SEPTIN10: variants seen among roughly 807,000 people sequenced by gnomAD.
SEPTIN10 encodes septin-10.
A neutral mutation model predicts 54.8 loss-of-function variants in SEPTIN10; 66 were observed. That is an observed-to-expected ratio of 1.21 (90% CI 0.99 to 1.48). The LOEUF (loss-of-function observed/expected upper bound fraction) is 1.48. SEPTIN10 is among the 40% of genes most tolerant of loss of function. The pLI is 0.00. For synonymous variants in SEPTIN10, 161 were observed against 181.0 expected (o/e 0.89, Z 0.89); for missense variants, 620 against 545.6 (o/e 1.14, Z -1.36).
chr2:109,588,741 T>C (rs1693199377), intron 2 of SEPTIN10, among the ~76,000 whole-genome samples: 1 of 151,428 alleles, frequency 6.6e-6, no homozygotes, highest in Non-Finnish European at 1.5e-5. Flanking sequence ...TCCACTTGCC[T>C]CAGCTTCTCA....
intron 9 of SEPTIN10, among the ~76,000 whole-genome samples, chr2:109,550,971 A>G (rs1186635559): frequency 1.3e-5 from 2 of 152,236 alleles, no homozygotes; most frequent in African/African-American, 2.4e-5. Flanking sequence ...TTGGGTAGTA[A>G]TAATAATGAT....
Position 109,553,110 on chromosome 2 carries a change from T to G in SEPTIN10, c.1138A>C (p.Ile380Leu). ...GCCTCTCTCTCAGCTTCTTTCAATA[T>G]GGCTTCTTTCTCCTTTACTCGCTGC... ...FVQRVKEKEAILKEAERELQA... is the reference protein window; with the variant it reads ...FVQRVKEKEALLKEAERELQA... Residue 380 changes from isoleucine to leucine, a missense_variant, in exon 9 of 11, where the codon ATA becomes CTA. Ile to Leu is a conservative substitution (Grantham distance 5). Transcript: ENST00000397712. 6.2e-7 allele frequency: 1 copy of G among 1,613,238 alleles called. No homozygotes were observed. Among genetic ancestry groups the G allele is most frequent in the East Asian group, 2.2e-5 (1 of 44,890 alleles).
rs1192695709 is a variant in SEPTIN10 at position 109,545,990 on chromosome 2, C to T, written c.1349+60G>A. 57 of 1,512,236 alleles carry T rather than the reference C, an allele frequency of 3.8e-5. No homozygotes were observed. The South Asian group carries it at 4.2e-4, about 11-fold the overall frequency. 93.7% of individuals were successfully genotyped at this position (1,512,236 alleles called of 1,614,324 possible). The stretch of plus-strand genomic sequence containing the variant: ...AGAAGTAAGAAGCGCTAGGAAGATC[C>T]GACAGGGCAATGTGACAAGTGTGGG... On this transcript the variant is annotated intron_variant, in intron 10 of 10. Coordinates refer to ENST00000397712, the MANE Select transcript of SEPTIN10 (RefSeq NM_144710.5).
intron 2 of SEPTIN10, among the ~76,000 whole-genome samples, chr2:109,586,040 C>T (rs1203801437): frequency 6.6e-6 from 1 of 152,094 alleles, no homozygotes; most frequent in Non-Finnish European, 1.5e-5. Flanking sequence ...CATTTCTTAT[C>T]CCCTTCATAC....
Position 109,542,951 on chromosome 2 carries a change from TGA to T in SEPTIN10, c.*1356_*1357del, listed in dbSNP as rs1680345885. The T allele has an allele frequency of 6.5e-6, 1 of 152,718 alleles. No individual in the cohort carries two copies. Among genetic ancestry groups the T allele is most frequent in the South Asian group, 2.1e-4 (1 of 4,822 alleles). The allele number at this position is 152,718 out of a possible 1,614,324, so 9.5% of individuals were successfully genotyped here. ...CATAATTAAATGAACGTTTTTAAAA[TGA>T]GAGTTTTCAGAAAGGAAAATTAAAC... On this transcript the variant is annotated 3_prime_UTR_variant, in exon 11 of 11. Coordinates refer to ENST00000397712, the MANE Select transcript of SEPTIN10 (RefSeq NM_144710.5).
At chr2:109,599,989 T>C (rs968206722) in intron 1 of SEPTIN10, among the ~76,000 whole-genome samples, 4 of 152,188 alleles carry the variant, frequency 2.6e-5, no homozygotes, top group Non-Finnish European at 5.9e-5. Context: ...CTTCAAGCAA[T>C]ACCTAGTCCT....
intron 1 of SEPTIN10, among the ~76,000 whole-genome samples, chr2:109,593,466 C>A (rs1420311269): frequency 7.0e-6 from 1 of 142,752 alleles, no homozygotes; most frequent in African/African-American, 2.6e-5. Flanking sequence ...AGTGCAATGG[C>A]ATGATCTCGG....
intron 8 of SEPTIN10, among the ~76,000 whole-genome samples, chr2:109,558,837 TACA>T (rs763236072): frequency 6.6e-6 from 1 of 152,054 alleles, no homozygotes; most frequent in Non-Finnish European, 1.5e-5. Flanking sequence ...CCAACCAAAT[TACA>T]ACAACTACCA....
chr2:109,598,235 CTT>C (rs1695740811), intron 1 of SEPTIN10, among the ~76,000 whole-genome samples: 1 of 151,746 alleles, frequency 6.6e-6, no homozygotes, highest in African/African-American at 2.4e-5. Context: ...ACCTGGCTAA[CTT>C]TTGTATTTTT....
intron 4 of SEPTIN10, 52 bp downstream of exon 4, chr2:109,585,074 G>A (rs988668606): frequency 1.8e-5 from 21 of 1,148,818 alleles, no homozygotes; most frequent in Non-Finnish European, 2.4e-5. Context: ...GCTATAAGGC[G>A]AATGTCTTGA....
At chr2:109,602,450 T>A (rs1339669373) in intron 1 of SEPTIN10, among the ~76,000 whole-genome samples, 1 of 151,718 alleles carries the variant, frequency 6.6e-6, no homozygotes, top group African/African-American at 2.4e-5. Flanking sequence ...CCAAGGCGGG[T>A]GGATCACCTG....
At chr2:109,604,384 A>AGGGGG in intron 1 of SEPTIN10, among the ~76,000 whole-genome samples, 1 of 4,656 alleles carries the variant, frequency 2.1e-4, no homozygotes, top group Non-Finnish European at 4.3e-4. Context: ...AGGGAAGGGA[A>AGGGGG]GGGGAGGGGC....
chr2:109,580,868 A>G (rs1225005146), intron 4 of SEPTIN10, among the ~76,000 whole-genome samples: 1 of 152,228 alleles, frequency 6.6e-6, no homozygotes, highest in East Asian at 1.9e-4. Context: ...GCGCAAAGAC[A>G]GCACAGCGCC....
In SEPTIN10 at chr2:109,613,870, C is replaced by A; in HGVS notation, c.-43G>T. On this transcript the variant is annotated 5_prime_UTR_variant, in exon 1 of 11. Coordinates refer to ENST00000397712, the MANE Select transcript of SEPTIN10 (RefSeq NM_144710.5). ...CGGTGAAGCGGCTGTATCAGCCCGG[C>A]CCCGAGCGGCTGGTCCCGGCGACGG... The A allele has an allele frequency of 4.1e-6, 5 of 1,230,908 alleles. No individual in the cohort carries two copies. The highest frequency in any genetic ancestry group is 5.1e-6 in the Non-Finnish European group (5 of 987,834). The allele number at this position is 1,230,908 out of a possible 1,614,324, so 76.2% of individuals were successfully genotyped here. A position where few individuals can be genotyped will look rare whatever the true frequency, so the allele number is the denominator to read the frequency against.
intron 5 of SEPTIN10, among the ~76,000 whole-genome samples, chr2:109,569,897 G>T (rs1687956773): frequency 6.6e-6 from 1 of 152,026 alleles, no homozygotes; most frequent in Non-Finnish European, 1.5e-5. Flanking sequence ...CTGCTTTTTA[G>T]TAACAGAAAA....
intron 8 of SEPTIN10, among the ~76,000 whole-genome samples, chr2:109,558,425 A>G (rs1024951515): frequency 1.3e-5 from 2 of 152,200 alleles, no homozygotes; most frequent in African/African-American, 4.8e-5. Flanking sequence ...CAATACTTCA[A>G]TGACAGTGAT....
chr2:109,570,813 C>T (rs1474128610), intron 5 of SEPTIN10, among the ~76,000 whole-genome samples: 1 of 152,186 alleles, frequency 6.6e-6, no homozygotes, highest in Non-Finnish European at 1.5e-5. Flanking sequence ...TGGGCCACCA[C>T]ACCCGGCCTG....
chr2:109,591,307 C>T (rs1005286080), intron 2 of SEPTIN10, among the ~76,000 whole-genome samples: 1 of 152,042 alleles, frequency 6.6e-6, no homozygotes, highest in Admixed American at 6.5e-5. Flanking sequence ...TTTAGTTCTA[C>T]AATGACAGGA....
intron 10 of SEPTIN10, chr2:109,545,488 G>A (rs1441910071): frequency 5.2e-6 from 8 of 1,535,968 alleles, no homozygotes; most frequent in Non-Finnish European, 7.0e-6. Flanking sequence ...GTCCACCATT[G>A]GTTTCACAAG....
Sources: allele counts gnomAD v4.1 joint callset (sites outside exome capture counted in the v4.1 genomes callset), GRCh38; gene constraint gnomAD v4.1.1; transcripts MANE v1.5; gene names NCBI Gene and HGNC (gene_info 2026-07-23, HGNC 2026-07-21).